The following BRINP3 variants were observed in gnomAD, a reference collection of about 807,000 sequenced individuals.
BRINP3 encodes BMP/retinoic acid inducible neural specific 3.
A neutral mutation model predicts 71.0 loss-of-function variants in BRINP3; 19 were observed. The observed-to-expected ratio is 0.27, with a 90% CI of 0.19 to 0.39. The LOEUF (loss-of-function observed/expected upper bound fraction) is 0.39, where lower values mean the gene tolerates loss of function less well. Ranked by LOEUF, BRINP3 falls within the 10% of genes least tolerant of loss-of-function variation. The probability of loss-of-function intolerance (pLI) is 1.00; values close to 1 mark genes in which losing one functional copy is unlikely to be tolerated. For synonymous variants in BRINP3, 380 were observed against 337.7 expected (o/e 1.13, Z -1.37); for missense variants, 959 against 940.8 (o/e 1.02, Z -0.25).
chr1:190,332,804 GAGAA>G (rs980987150), intron 2 of BRINP3, among the ~76,000 whole-genome samples: 5 of 151,916 alleles, frequency 3.3e-5, no homozygotes, highest in African/African-American at 1.2e-4. Flanking sequence ...AAAAACATAA[GAGAA>G]AGACAATAAA....
At chr1:190,109,490 A>C (rs1047886026) in intron 7 of BRINP3, among the ~76,000 whole-genome samples, 2 of 152,196 alleles carry the variant, frequency 1.3e-5, no homozygotes, top group African/African-American at 2.4e-5. Flanking sequence ...ATAAGTATAC[A>C]ATGTGATGGC....
intron 2 of BRINP3, among the ~76,000 whole-genome samples, chr1:190,285,256 T>C (rs1463677761): frequency 6.6e-6 from 1 of 152,126 alleles, no homozygotes; most frequent in Non-Finnish European, 1.5e-5. Flanking sequence ...CCAGTGTCCC[T>C]TTTTCCCGAA....
chr1:190,353,587 T>C (rs1391959712), intron 2 of BRINP3, among the ~76,000 whole-genome samples: 1 of 152,072 alleles, frequency 6.6e-6, no homozygotes, highest in African/African-American at 2.4e-5. Context: ...TATCAAAGTT[T>C]CTTGATTATC....
intron 6 of BRINP3, among the ~76,000 whole-genome samples, chr1:190,176,039 G>A (rs1429665659): frequency 6.6e-6 from 1 of 152,094 alleles, no homozygotes; most frequent in Non-Finnish European, 1.5e-5. Context: ...TGTAAATGAT[G>A]CCCTTTACTT....
At chr1:190,131,097 T>C (rs1218788784) in intron 7 of BRINP3, among the ~76,000 whole-genome samples, 1 of 149,282 alleles carries the variant, frequency 6.7e-6, no homozygotes, top group Admixed American at 6.8e-5. Flanking sequence ...ATAGATATTA[T>C]TATCCTCATT....
At chr1:190,126,260 T>G (rs1012594478) in intron 7 of BRINP3, among the ~76,000 whole-genome samples, 2 of 152,006 alleles carry the variant, frequency 1.3e-5, no homozygotes. Flanking sequence ...TTTAACAGTT[T>G]ATTTCATAGA....
intron 2 of BRINP3, among the ~76,000 whole-genome samples, chr1:190,429,353 CTA>C (rs1296279211): frequency 2.6e-5 from 4 of 152,092 alleles, no homozygotes; most frequent in Non-Finnish European, 4.4e-5. Flanking sequence ...AATTTGGAAA[CTA>C]TGCAACCACT....
At chr1:190,254,504 G>T (rs1660464596) in intron 4 of BRINP3, among the ~76,000 whole-genome samples, 2 of 151,988 alleles carry the variant, frequency 1.3e-5, no homozygotes, top group South Asian at 4.2e-4. Flanking sequence ...TTGTAAGTTG[G>T]ATTCCTAGGT....
In BRINP3 at chr1:190,459,670, T is replaced by C. The variant is rs1403162834; in HGVS notation, c.-50-4730A>G. ...TAAACAATTAACATTGCAAACTGTA[T>C]CATTTCTTTTTTTGTATTTGCATTT... On this transcript the variant is annotated intron_variant, in intron 1 of 7. Transcript: ENST00000367462. 2.6e-5 allele frequency among the ~76,000 whole-genome samples: 4 copies of C among 152,150 alleles called. No homozygotes were observed. The East Asian group carries it at 7.7e-4, about 29-fold the overall frequency.
chr1:190,144,556 CT>C (rs949152818), intron 7 of BRINP3, among the ~76,000 whole-genome samples: 30 of 152,092 alleles, frequency 2.0e-4, no homozygotes, highest in Non-Finnish European at 3.5e-4. Context: ...GTATATTCAT[CT>C]TTTTTTCCAT....
At chr1:190,427,284 T>G in intron 2 of BRINP3, among the ~76,000 whole-genome samples, 1 of 152,090 alleles carries the variant, frequency 6.6e-6, no homozygotes, top group Non-Finnish European at 1.5e-5. Context: ...CTTATTTAAA[T>G]AAATTCTTGT....
chr1:190,341,613 T>G (rs1367768923), intron 2 of BRINP3, among the ~76,000 whole-genome samples: 1 of 151,806 alleles, frequency 6.6e-6, no homozygotes. Flanking sequence ...AAACCATTAC[T>G]CTAGATTTCA....
At chr1:190,374,749 A>T (rs560645812) in intron 2 of BRINP3, among the ~76,000 whole-genome samples, 1 of 152,092 alleles carries the variant, frequency 6.6e-6, no homozygotes, top group Non-Finnish European at 1.5e-5. Flanking sequence ...AATGAAAAAC[A>T]TTCATTTGAG....
intron 2 of BRINP3, among the ~76,000 whole-genome samples, chr1:190,429,151 T>C (rs1452339324): frequency 1.3e-5 from 2 of 152,144 alleles, no homozygotes; most frequent in African/African-American, 4.8e-5. Context: ...TGTCACTTTA[T>C]AAAGCCATTG....
At chr1:190,244,475 T>C (rs1295954078) in intron 4 of BRINP3, among the ~76,000 whole-genome samples, 1 of 152,106 alleles carries the variant, frequency 6.6e-6, no homozygotes, top group Non-Finnish European at 1.5e-5. Flanking sequence ...GAATTATCTG[T>C]TTTGCTTTCT....
chr1:190,347,310 T>C (rs1052765199), intron 2 of BRINP3, among the ~76,000 whole-genome samples: 32 of 152,032 alleles, frequency 2.1e-4, no homozygotes, highest in Non-Finnish European at 3.8e-4. Flanking sequence ...CCTGCCAATT[T>C]TTTTGTATTT....
chr1:190,312,198 T>C (rs1431080244), intron 2 of BRINP3, among the ~76,000 whole-genome samples: 1 of 150,328 alleles, frequency 6.7e-6, no homozygotes, highest in African/African-American at 2.4e-5. Flanking sequence ...CTTTCGTAAA[T>C]TGCGAATTTA....
intron 2 of BRINP3, among the ~76,000 whole-genome samples, chr1:190,408,019 C>CTTTT (rs34343187): frequency 0.01 from 1,021 of 99,774 alleles, 43 homozygotes; most frequent in Middle Eastern, 0.026. Context: ...CTACATTTGT[C>CTTTT]TTTTTTTTTT....
Position 190,277,087 on chromosome 1 carries a change from TTATATATATATATATA to T in BRINP3, c.427+4457_427+4472del, listed in dbSNP as rs1222129309. Among the ~76,000 whole-genome samples, 31 of 36,034 alleles carry T rather than the reference TTATATATATATATATA, an allele frequency of 8.6e-4. 3 individuals are homozygous for T. Among genetic ancestry groups the T allele is most frequent in the South Asian group, 3.8e-3 (2 of 530 alleles). The allele number at this position is 36,034 out of a possible 152,430, so 23.6% of individuals were successfully genotyped here. A position where few individuals can be genotyped will look rare whatever the true frequency, so the allele number is the denominator to read the frequency against. ...TTTGATCCTGAAATAAATTTTGGTTTTATATATATATATATATATATATATATATATTTATATTCAG... is the reference window on the plus strand; with the variant it reads ...TTTGATCCTGAAATAAATTTTGGTTTTATATATATATATATTTATATTCAG... On this transcript the variant is annotated intron_variant, in intron 3 of 7. Transcript: ENST00000367462.
Sources: allele counts gnomAD v4.1 joint callset (sites outside exome capture counted in the v4.1 genomes callset), GRCh38; gene constraint gnomAD v4.1.1; transcripts MANE v1.5; gene names NCBI Gene and HGNC (gene_info 2026-07-23, HGNC 2026-07-21).